The following ADRA1A variants were observed in gnomAD, a reference collection of about 807,000 sequenced individuals.
ADRA1A encodes alpha-1A adrenergic receptor.
A neutral mutation model predicts 29.6 loss-of-function variants in ADRA1A; 31 were observed. That is an observed-to-expected ratio of 1.05 (90% CI 0.79 to 1.41). ADRA1A has a LOEUF of 1.41. Among genes scored for constraint, ADRA1A ranks in the 40% most tolerant of loss-of-function variants. The pLI is 0.00. For synonymous variants in ADRA1A, 311 were observed against 254.3 expected, an observed-to-expected ratio of 1.22 and a Z score of -2.12; for missense variants, 619 against 601.1, an observed-to-expected ratio of 1.03 and a Z score of -0.31.
intron 2 of ADRA1A, among the ~76,000 whole-genome samples, chr8:26,827,934 C>A (rs192366743): frequency 6.6e-6 from 1 of 152,244 alleles, no homozygotes; most frequent in East Asian, 1.9e-4. Flanking sequence ...CACTCTTTCA[C>A]CCAGGCTGGG....
chr8:26,820,765 T>C (rs1302416622), intron 2 of ADRA1A, among the ~76,000 whole-genome samples: 3 of 152,346 alleles, frequency 2.0e-5, no homozygotes, highest in South Asian at 2.1e-4. Flanking sequence ...AATGAGCATA[T>C]ATATCTAGTC....
chr8:26,748,306 G>A (rs375528473), exon 3 of ADRA1A: 4 of 161,944 alleles, frequency 2.5e-5, no homozygotes, highest in Admixed American at 6.3e-5. Flanking sequence ...GTGTGTGTTG[G>A]GGGGGTGGTT....
chr8:26,841,646 C>T lies in ADRA1A; in HGVS notation c.883+22441G>A, dbSNP rs1306898403. On this transcript the variant is annotated intron_variant, in intron 2 of 2. Transcript: ENST00000380573. The surrounding 1 kb of genome is among the most constrained non-coding windows in gnomAD (Gnocchi z 4.4). ...TTTCCACATCCTCCATGACAAGCCT[C>T]CTGTCCCTAACATTCAGCTGAAACT... Among the ~76,000 whole-genome samples the T allele has an allele frequency of 6.6e-6, 1 of 152,172 alleles. No homozygotes were observed. Among genetic ancestry groups the T allele is most frequent in the Non-Finnish European group, 1.5e-5 (1 of 68,038 alleles).
rs1813829640 is a variant in ADRA1A at position 26,865,328 on chromosome 8, C to G, written c.-359G>C. The G allele has an allele frequency of 6.4e-6, 7 of 1,090,734 alleles. No homozygotes were observed. Among genetic ancestry groups the G allele is most frequent in the African/African-American group, 1.7e-5 (1 of 60,572 alleles). The allele number at this position is 1,090,734 out of a possible 1,614,324, so 67.6% of individuals were successfully genotyped here. ...CTTGCAACATGCAATTCCAGAATTA[C>G]GAGAATCTGCTTTTCCGCGCTGTCT... On this transcript the variant is annotated 5_prime_UTR_variant, in exon 2 of 3. Coordinates refer to ENST00000380573, the MANE Select transcript of ADRA1A (RefSeq NM_000680.4). The surrounding 1 kb of genome is among the most constrained non-coding windows in gnomAD (Gnocchi z 7.6).
chr8:26,797,270 G>A (rs932652447), intron 2 of ADRA1A, among the ~76,000 whole-genome samples: 11 of 152,006 alleles, frequency 7.2e-5, no homozygotes, highest in Non-Finnish European at 1.5e-4. Flanking sequence ...ATGTTAATAT[G>A]TAATGGGTTT....
intron 2 of ADRA1A, among the ~76,000 whole-genome samples, chr8:26,854,844 T>C (rs913329846): frequency 2.0e-5 from 3 of 152,150 alleles, no homozygotes; most frequent in African/African-American, 7.2e-5. Flanking sequence ...AATTCCTATG[T>C]TGGAATCCTG....
In ADRA1A at chr8:26,831,897, C is replaced by G. The variant is rs895665591; in HGVS notation, c.883+32190G>C. 6.6e-6 allele frequency among the ~76,000 whole-genome samples: 1 copy of G among 152,232 alleles called. No homozygotes were observed. The highest frequency in any genetic ancestry group is 6.5e-5 in the Admixed American group (1 of 15,288). On this transcript the variant is annotated intron_variant, in intron 2 of 2. Transcript: ENST00000380573. The surrounding 1 kb of genome is among the most constrained non-coding windows in gnomAD (Gnocchi z 5.2). ...GCCCTGTGGAGTCCTGTGCTCCAGG[C>G]TGGCTCCCACCTCTCCCTAAGAGAC...
At chr8:26,816,330 G>C (rs930106174) in intron 2 of ADRA1A, among the ~76,000 whole-genome samples, 3 of 152,194 alleles carry the variant, frequency 2.0e-5, no homozygotes, top group Non-Finnish European at 2.9e-5. Flanking sequence ...CAGACCTATT[G>C]ATTGGGATCA....
intron 2 of ADRA1A, among the ~76,000 whole-genome samples, chr8:26,771,187 T>C (rs774806137): frequency 1.3e-5 from 2 of 152,238 alleles, no homozygotes; most frequent in African/African-American, 4.8e-5. Flanking sequence ...TTACACAATA[T>C]TGGCCTTGCC....
chr8:26,758,276 T>A (rs1296608592), intron 2 of ADRA1A, among the ~76,000 whole-genome samples: 1 of 152,208 alleles, frequency 6.6e-6, no homozygotes, highest in African/African-American at 2.4e-5. Context: ...CAGGTGGGGA[T>A]GACCAGCTCC....
intron 2 of ADRA1A, among the ~76,000 whole-genome samples, chr8:26,812,516 G>C (rs1489260217): frequency 6.6e-6 from 1 of 152,132 alleles, no homozygotes; most frequent in East Asian, 1.9e-4. Context: ...TAAAGTTCAG[G>C]AGATAGTTTT....
At chr8:26,824,854 A>C (rs962049155) in intron 2 of ADRA1A, among the ~76,000 whole-genome samples, 1 of 152,238 alleles carries the variant, frequency 6.6e-6, no homozygotes, top group Admixed American at 6.5e-5. Context: ...GGTAGAAATC[A>C]TGTTAAATGA....
chr8:26,856,321 G>T (rs1008581706), intron 2 of ADRA1A, among the ~76,000 whole-genome samples: 4 of 152,198 alleles, frequency 2.6e-5, no homozygotes, highest in Admixed American at 2.6e-4. Flanking sequence ...CCCTTGTCCT[G>T]CATAAAGGTC....
intron 2 of ADRA1A, among the ~76,000 whole-genome samples, chr8:26,800,695 C>T (rs1001333087): frequency 9.2e-5 from 14 of 152,200 alleles, no homozygotes; most frequent in African/African-American, 2.6e-4. Context: ...AGAACTAATA[C>T]GAATCCTACT....
At chr8:26,794,626 CTTTG>C (rs1808068509) in intron 2 of ADRA1A, among the ~76,000 whole-genome samples, 2 of 151,860 alleles carry the variant, frequency 1.3e-5, no homozygotes, top group African/African-American at 4.8e-5. Context: ...AAAATAAATT[CTTTG>C]TTTGATTGTT....
At chr8:26,861,937 C>T (rs1302461722) in intron 2 of ADRA1A, among the ~76,000 whole-genome samples, 1 of 152,168 alleles carries the variant, frequency 6.6e-6, no homozygotes, top group Admixed American at 6.5e-5. Context: ...TGCTTCTGCT[C>T]TTGCCCCCAA....
intron 2 of ADRA1A, among the ~76,000 whole-genome samples, chr8:26,837,165 A>T (rs1031320181): frequency 2.0e-5 from 3 of 152,088 alleles, no homozygotes; most frequent in African/African-American, 7.2e-5. Context: ...AGCATATAGA[A>T]TTCACCTTCC....
In ADRA1A at chr8:26,848,275, G is replaced by A. The variant is rs750521246; in HGVS notation, c.883+15812C>T. Among the ~76,000 whole-genome samples, 38 of 152,186 alleles carry A rather than the reference G, an allele frequency of 2.5e-4. No homozygotes were observed. The highest frequency in any genetic ancestry group is 4.9e-4 in the Non-Finnish European group (33 of 68,036). ...AGTGCCATGCAAGTACCACTAATAT[G>A]GATGGAAAGTTTGTGTCCTCCCCAA... On this transcript the variant is annotated intron_variant, in intron 2 of 2. Transcript: ENST00000380573. This position sits in a 1 kb window ranked among gnomAD's most constrained non-coding sequence, Gnocchi z 4.3.
chr8:26,847,561 G>A (rs1256630851), intron 2 of ADRA1A, among the ~76,000 whole-genome samples: 4 of 152,188 alleles, frequency 2.6e-5, no homozygotes, highest in Admixed American at 2.6e-4. Flanking sequence ...GTAGACAGTA[G>A]GTTTCTCACT....
Sources: gnomAD v4.1 joint callset for allele counts (sites outside exome capture counted in the v4.1 genomes callset) on GRCh38, gnomAD v4.1.1 for gene constraint, Gnocchi (gnomAD v3.1) non-coding constraint, MANE v1.5 for transcripts, NCBI Gene and HGNC (gene_info 2026-07-23, HGNC 2026-07-21) for gene names.